Variants in ZIC3 observed in about 807,000 individuals in gnomAD.
ZIC3 encodes zinc finger protein ZIC 3.
ZIC3 carries 6 observed loss-of-function variants against 18.3 expected under a neutral mutation model. The ratio of observed to expected loss-of-function variants is 0.33; its 90% confidence interval spans 0.18 to 0.65. The LOEUF is 0.65. Ranked by LOEUF, ZIC3 falls within the 30% of genes least tolerant of loss-of-function variation. The pLI, the probability that ZIC3 is intolerant of heterozygous loss-of-function variation, is 0.75. For missense variants in ZIC3, 260 were observed against 410.0 expected (o/e 0.63, Z 3.16); for synonymous variants, 175 against 177.0 (o/e 0.99, Z 0.09).
chrX:137,568,828 T>C, intron 1 of ZIC3, 74 bp from the exon 2 acceptor site: 2 of 1,146,785 alleles, frequency 1.7e-6, no homozygotes, highest in Non-Finnish European at 2.4e-6. Flanking sequence ...GGGAGCTCAG[T>C]CTCCTGCTGC....
At chrX:137,568,684 CCG>C in intron 1 of ZIC3, 1 of 130,807 alleles carries the variant, frequency 7.6e-6, no homozygotes, top group Non-Finnish European at 1.4e-5. Context: ...TGGGCCGGCC[CCG>C]CCCCACCCCC....
At chrX:137,574,504 C>T (rs1369817759), downstream of ZIC3, among the ~76,000 whole-genome samples, 1 of 113,549 alleles carries the variant, frequency 8.8e-6, no homozygotes, top group Non-Finnish European at 1.9e-5. Flanking sequence ...ACCCCTCCCC[C>T]GCTTCCCCGT....
chrX:137,566,280 A>C lies in ZIC3; in HGVS notation c.-412A>C. The stretch of plus-strand genomic sequence containing the variant: ...GGCGCAGCCCAGCCCGGAGGCCGGT[A>C]CCCAGGGAGCCTCCTGGCCCCGCGG... On this transcript the variant is annotated 5_prime_UTR_variant, in exon 1 of 3. Coordinates refer to ENST00000287538, the MANE Select transcript of ZIC3 (RefSeq NM_003413.4). The C allele has an allele frequency of 6.2e-6, 1 of 162,534 alleles. No individual in the cohort carries two copies. Among genetic ancestry groups the C allele is most frequent in the Non-Finnish European group, 1.2e-5 (1 of 85,981 alleles). 13.4% of individuals were successfully genotyped at this position (162,534 alleles called of 1,213,427 possible). A position where few individuals can be genotyped will look rare whatever the true frequency, so the allele number is the denominator to read the frequency against.
chrX:137,574,567 C>T (rs1444494996), downstream of ZIC3, among the ~76,000 whole-genome samples: 11 of 113,295 alleles, frequency 9.7e-5, no homozygotes, highest in Non-Finnish European at 7.5e-5. Flanking sequence ...CCCACACCCA[C>T]CCCCACTCCC....
chrX:137,567,231 C>T lies in ZIC3; in HGVS notation c.540C>T (p.Asp180=), dbSNP rs1375850906. The T allele has an allele frequency of 5.0e-6, 6 of 1,209,368 alleles. No homozygotes were observed. The highest frequency in any genetic ancestry group is 5.6e-6 in the Non-Finnish European group (5 of 894,962). ...AGHPSPTGHV[D]NNQVHLGLRG... is the part of the protein sequence containing the mutation. ...ACCCGTCGCCCACAGGGCACGTGGA[C>T]AACAACCAGGTCCACCTGGGGCTGC... Residue 180 remains aspartate, a synonymous_variant, in exon 1 of 3, where the codon GAC becomes GAT. Coordinates refer to ENST00000287538, the MANE Select transcript of ZIC3 (RefSeq NM_003413.4).
At position 137,572,006 on chromosome X, in the gene ZIC3, A is replaced by G. The variant is rs1931446196; in HGVS notation, c.*1936A>G. The stretch of plus-strand genomic sequence containing the variant: ...TGCTCTAGGTTTTTGGTGGCAGTCA[A>G]TTTGGTATTATATATGATCATTTTC... On this transcript the variant is annotated 3_prime_UTR_variant, in exon 3 of 3. Transcript: ENST00000287538. Among the ~76,000 whole-genome samples, 1 of 112,169 alleles carries G rather than the reference A, an allele frequency of 8.9e-6. No homozygotes were observed. The highest frequency in any genetic ancestry group is 3.2e-5 in the African/African-American group (1 of 30,877).
downstream of ZIC3, among the ~76,000 whole-genome samples, chrX:137,573,215 G>C (rs1301129640): frequency 9.3e-6 from 1 of 107,821 alleles, no homozygotes; most frequent in Non-Finnish European, 1.9e-5. Flanking sequence ...CAGGCTCTTA[G>C]GAATCAACTT....
Position 137,566,562 on chromosome X carries a change from G to T in ZIC3, c.-130G>T, listed in dbSNP as rs1003759510. 1.0e-5 allele frequency: 11 copies of T among 1,082,504 alleles called. No homozygotes were observed. Among genetic ancestry groups the T allele is most frequent in the Non-Finnish European group, 1.3e-5 (11 of 818,837 alleles). 89.2% of individuals were successfully genotyped at this position (1,082,504 alleles called of 1,213,427 possible). A position where few individuals can be genotyped will look rare whatever the true frequency, so the allele number is the denominator to read the frequency against. On this transcript the variant is annotated 5_prime_UTR_variant, in exon 1 of 3. Transcript: ENST00000287538. ...ACGGAAAGTTGCAGCCCCTGGTAGC[G>T]CCTTGGGGGTCTCCCCGCAGTGTCC...
At position 137,567,636 on chromosome X, in the gene ZIC3, G is replaced by A; in HGVS notation, c.945G>A (p.Leu315=). ...AGTCTTTCAAGGCGAAGTACAAACT[G>A]GTCAACCACATCCGAGTGCACACGG... ...EGKSFKAKYK[L]VNHIRVHTGE... The change falls in exon 1 of 3, where the codon CTG becomes CTA. Residue 315 remains leucine (L), a synonymous_variant. Transcript: ENST00000287538. 6 of 1,212,377 alleles carry A rather than the reference G, an allele frequency of 4.9e-6. No individual in the cohort carries two copies. Among genetic ancestry groups the A allele is most frequent in the Non-Finnish European group, 5.6e-6 (5 of 895,643 alleles).
downstream of ZIC3, among the ~76,000 whole-genome samples, chrX:137,573,345 A>T (rs1931466680): frequency 9.0e-6 from 1 of 111,519 alleles, no homozygotes; most frequent in African/African-American, 3.3e-5. Flanking sequence ...CACGCAAGAC[A>T]GAAGTTTGGC....
chrX:137,577,484 C>T (rs771241133), exon 3 of ZIC3: 1 of 287,190 alleles, frequency 3.5e-6, no homozygotes, highest in African/African-American at 2.7e-5. Flanking sequence ...GAAGACTGGC[C>T]TAATTCATAA....
At chrX:137,573,294 A>G (rs779262024), downstream of ZIC3, among the ~76,000 whole-genome samples, 4 of 111,950 alleles carry the variant, frequency 3.6e-5, no homozygotes, top group Non-Finnish European at 5.6e-5. Context: ...GTGATTTTGC[A>G]TAAGATTCCC....
At position 137,567,288 on chromosome X, in the gene ZIC3, C is replaced by T. The variant is rs769300030; in HGVS notation, c.597C>T (p.Tyr199=). Residue 199 remains tyrosine, a synonymous_variant, in exon 1 of 3, where the codon TAC becomes TAT. Coordinates refer to ENST00000287538, the MANE Select transcript of ZIC3 (RefSeq NM_003413.4). ...AGCTGTTCGGCCGTGCTGACCCATA[C>T]CGCCCAGTGGCCAGCCCGCGCACGG... ...RGELFGRADP[Y]RPVASPRTDP... is the part of the protein sequence containing the mutation. The T allele has an allele frequency of 1.7e-6, 2 of 1,210,220 alleles. No homozygotes were observed. The highest frequency in any genetic ancestry group is 2.2e-6 in the Non-Finnish European group (2 of 895,399).
chrX:137,569,692 T>G lies in ZIC3; in HGVS notation c.1225-199T>G, dbSNP rs149937838. Among the ~76,000 whole-genome samples, 613 of 112,136 alleles carry G rather than the reference T, an allele frequency of 5.5e-3. 3 individuals carry two copies. Among genetic ancestry groups the G allele is most frequent in the African/African-American group, 0.019 (591 of 30,852 alleles). Reference sequence around the variant, plus strand: ...TATTCCTTTTCCGTAACACCAGTCTTAGGAGCAAAACTGGTTTTTGGCGAA... The same window carrying G: ...TATTCCTTTTCCGTAACACCAGTCTGAGGAGCAAAACTGGTTTTTGGCGAA... On this transcript the variant is annotated intron_variant, in intron 2 of 2. Transcript: ENST00000287538.
chrX:137,577,118 C>T (rs1276503519), intron 2 of ZIC3: 3 of 505,753 alleles, frequency 5.9e-6, no homozygotes, highest in East Asian at 3.7e-5. Context: ...TGTTTTTTTG[C>T]CAGTGTTGTC....
Position 137,566,618 on chromosome X carries a change from C to T in ZIC3, c.-74C>T. The T allele has an allele frequency of 8.6e-7, 1 of 1,165,140 alleles. No individual in the cohort carries two copies. Among genetic ancestry groups the T allele is most frequent in the East Asian group, 3.2e-5 (1 of 31,296 alleles). ...CCGCCACCCCTTTCCGACTACGGCA[C>T]TTCGGAGATCTCCTCCTTCGCCGGT... is the stretch of plus-strand genomic sequence containing the variant. On this transcript the variant is annotated 5_prime_UTR_variant, in exon 1 of 3. Transcript: ENST00000287538.
downstream of ZIC3, chrX:137,574,258 C>A (rs1188424287): frequency 8.8e-6 from 1 of 113,510 alleles, no homozygotes; most frequent in East Asian, 2.8e-4. Flanking sequence ...CATCAGCGAA[C>A]GTCCTCTCTC....
chrX:137,567,125 G>A lies in ZIC3; in HGVS notation c.434G>A (p.Ser145Asn). ...GQHGLFAGSASSLHAPAGIPE... is the reference protein window; with the variant it reads ...GQHGLFAGSANSLHAPAGIPE... ...CACGGGCTCTTCGCCGGCTCGGCGA[G>A]CAGCCTGCATGCTCCAGCTGGCATC... The change falls in exon 1 of 3, where the codon AGC becomes AAC. Residue 145 changes from serine to asparagine, a missense_variant. This residue lies in a region of ZIC3 where 183 missense variants were observed against 223.8 expected (regional missense o/e 0.82). Coordinates refer to ENST00000287538, the MANE Select transcript of ZIC3 (RefSeq NM_003413.4). 8.3e-7 allele frequency: 1 copy of A among 1,206,380 alleles called. No homozygotes were observed. The highest frequency in any genetic ancestry group is 1.1e-6 in the Non-Finnish European group (1 of 893,140).
Position 137,569,942 on chromosome X carries a change from G to C in ZIC3, c.1276G>C (p.Glu426Gln). ...CTCCCCTGCTGCCAGTTCAGGCTAT[G>C]AATCTTCCACTCCACCCGCTATAGC... ...DSSPAASSGY[E>Q]SSTPPAIASA... Residue 426 changes from glutamate (E) to glutamine (Q), a missense_variant, in exon 3 of 3, where the codon GAA becomes CAA. Glu to Gln is a conservative substitution (Grantham distance 29, BLOSUM62 2). Coordinates refer to ENST00000287538, the MANE Select transcript of ZIC3 (RefSeq NM_003413.4). The C allele has an allele frequency of 8.3e-7, 1 of 1,211,577 alleles. No homozygotes were observed. Among genetic ancestry groups the C allele is most frequent in the Non-Finnish European group, 1.1e-6 (1 of 895,514 alleles).
Sources: gnomAD v4.1 joint callset for allele counts (sites outside exome capture counted in the v4.1 genomes callset) on GRCh38, gnomAD v4.1.1 for gene constraint, gnomAD v4.1.1 regional missense constraint, MANE v1.5 for transcripts, NCBI Gene and HGNC (gene_info 2026-07-23, HGNC 2026-07-21) for gene names.